Variants in PDE4D observed in about 807,000 individuals in gnomAD.
PDE4D encodes the protein phosphodiesterase 4D.
A neutral mutation model predicts 87.4 loss-of-function variants in PDE4D; 24 were observed. The observed-to-expected ratio is 0.27, with a 90% CI of 0.20 to 0.39. The LOEUF is 0.39. PDE4D is among the 10% of genes least tolerant of loss of function. PDE4D has a pLI of 1.00. For synonymous variants in PDE4D, 384 were observed against 383.2 expected (o/e 1.00, Z -0.02); for missense variants, 714 against 1,041.0 (o/e 0.69, Z 4.32).
At position 60,039,230 on chromosome 5, in the gene PDE4D, A is replaced by G. The variant is rs371343486; in HGVS notation, c.43-50513T>C. On this transcript the variant is annotated intron_variant, in intron 2 of 16. Coordinates refer to the PDE4D transcript ENST00000502484. Reference sequence around the variant, plus strand: ...AGACTGGATTAAGAAAATGTGGCACATATACACCATGCAATACTATGCAGC... The same window carrying G: ...AGACTGGATTAAGAAAATGTGGCACGTATACACCATGCAATACTATGCAGC... Among the ~76,000 whole-genome samples the G allele has an allele frequency of 9.6e-4, 146 of 152,336 alleles. 2 individuals carry two copies. The East Asian group carries it at 0.024, about 25-fold the overall frequency.
intron 9 of PDE4D, among the ~76,000 whole-genome samples, chr5:58,990,293 T>A (rs1361249158): frequency 6.6e-6 from 1 of 152,140 alleles, no homozygotes; most frequent in East Asian, 1.9e-4. Context: ...GGCTGAAGTT[T>A]CCCATTTCGG....
In PDE4D at chr5:58,975,401, G is replaced by A. The variant is rs1026327739; in HGVS notation, c.2013+256C>T. Among the ~76,000 whole-genome samples the A allele has an allele frequency of 6.6e-6, 1 of 152,018 alleles. No individual in the cohort carries two copies. Among genetic ancestry groups the A allele is most frequent in the Non-Finnish European group, 1.5e-5 (1 of 68,014 alleles). ...CCAGATAACTGAAATAATGCCATGT[G>A]CTCTATGTATATGAATATATTAAAT... On this transcript the variant is annotated intron_variant, in intron 14 of 14. Transcript: ENST00000340635. The surrounding 1 kb of genome is among the most constrained non-coding windows in gnomAD (Gnocchi z 4.2).
At chr5:59,915,078 T>C (rs1753895421) in intron 3 of PDE4D, among the ~76,000 whole-genome samples, 1 of 152,150 alleles carries the variant, frequency 6.6e-6, no homozygotes, top group African/African-American at 2.4e-5. Flanking sequence ...AGAGAATCTA[T>C]TAAAGCTTCA....
chr5:59,635,985 C>A (rs908431123), intron 1 of PDE4D, among the ~76,000 whole-genome samples: 1 of 152,046 alleles, frequency 6.6e-6, no homozygotes, highest in Non-Finnish European at 1.5e-5. Flanking sequence ...TTTAGAAAAC[C>A]CCATCGTCTC....
At chr5:60,065,732 G>A (rs984606562) in intron 2 of PDE4D, among the ~76,000 whole-genome samples, 10 of 151,580 alleles carry the variant, frequency 6.6e-5, no homozygotes, top group East Asian at 1.9e-4. Context: ...TGATGGTTTC[G>A]TTTCATCCAT....
chr5:59,120,892 T>G (rs761261865), intron 5 of PDE4D, among the ~76,000 whole-genome samples: 1 of 152,118 alleles, frequency 6.6e-6, no homozygotes, highest in East Asian at 1.9e-4. Flanking sequence ...GACTGATAGA[T>G]TTAGAGTAGA....
At chr5:59,764,741 C>T (rs576306550) in intron 1 of PDE4D, among the ~76,000 whole-genome samples, 4 of 149,992 alleles carry the variant, frequency 2.7e-5, no homozygotes, top group African/African-American at 4.9e-5. Flanking sequence ...CTGCAACCTC[C>T]GCCTCCTGAG....
At chr5:59,939,068 C>T (rs945262566) in intron 3 of PDE4D, among the ~76,000 whole-genome samples, 2 of 152,136 alleles carry the variant, frequency 1.3e-5, no homozygotes, top group Non-Finnish European at 1.5e-5. Context: ...TTCTGCTGGA[C>T]TTTGAAAATA....
In PDE4D at chr5:59,516,496, T is replaced by C. The variant is rs1811177121; in HGVS notation, c.456-300528A>G. Among the ~76,000 whole-genome samples, 2 of 152,194 alleles carry C rather than the reference T, an allele frequency of 1.3e-5. 1 individual carries two copies. Among genetic ancestry groups the C allele is most frequent in the South Asian group, 4.1e-4 (2 of 4,830 alleles). On this transcript the variant is annotated intron_variant, in intron 1 of 14. Coordinates refer to ENST00000340635, the MANE Select transcript of PDE4D (RefSeq NM_001104631.2). The stretch of plus-strand genomic sequence containing the variant: ...CTACAGCTTTCTGTTTTCCTCCCTA[T>C]TGCTCTAGAAGAAAACGCTGCCAAG...
intron 2 of PDE4D, among the ~76,000 whole-genome samples, chr5:60,113,419 A>T (rs2149361812): frequency 6.6e-6 from 1 of 152,244 alleles, no homozygotes; most frequent in Non-Finnish European, 1.5e-5. Context: ...CCTTTTCCTT[A>T]ACCCTTACAT....
At chr5:60,272,221 A>C (rs1459977270) in intron 1 of PDE4D, among the ~76,000 whole-genome samples, 4 of 152,240 alleles carry the variant, frequency 2.6e-5, no homozygotes, top group Admixed American at 1.3e-4. Flanking sequence ...CATACAACAC[A>C]AATCAGGAGA....
At chr5:59,229,839 T>C (rs188485832) in intron 1 of PDE4D, among the ~76,000 whole-genome samples, 48 of 152,300 alleles carry the variant, frequency 3.2e-4, no homozygotes, top group African/African-American at 1.1e-3. Context: ...GCTCTTGTTG[T>C]GCAGGCTGGA....
chr5:59,451,138 A>G (rs1356736402), intron 1 of PDE4D, among the ~76,000 whole-genome samples: 1 of 152,170 alleles, frequency 6.6e-6, no homozygotes, highest in Non-Finnish European at 1.5e-5. Flanking sequence ...CTTGTGTTTC[A>G]CTAAACCAAT....
intron 1 of PDE4D, among the ~76,000 whole-genome samples, chr5:60,231,517 C>T (rs989556154): frequency 1.3e-5 from 2 of 151,784 alleles, no homozygotes; most frequent in African/African-American, 4.8e-5. Flanking sequence ...CCAGATCTAA[C>T]CCTAGAATTT....
At chr5:60,026,812 C>A (rs776421200) in intron 2 of PDE4D, among the ~76,000 whole-genome samples, 6 of 152,180 alleles carry the variant, frequency 3.9e-5, no homozygotes, top group Non-Finnish European at 8.8e-5. Context: ...ATAAAATCTA[C>A]TTCTCAGCAT....
At chr5:59,276,674 C>CTCTTGCA (rs1261989501) in intron 1 of PDE4D, among the ~76,000 whole-genome samples, 1 of 151,958 alleles carries the variant, frequency 6.6e-6, no homozygotes, top group Non-Finnish European at 1.5e-5. Flanking sequence ...TAAGGCTGTT[C>CTCTTGCA]CCTTGCACAA....
rs140296384 is a variant in PDE4D, at chr5:59,963,510, A to T, written c.272+24978T>A. Reference sequence around the variant, plus strand: ...TACTAGAACACAGTGGCATCAAGACACACCAAAATCAGGAAAACAGCAGAA... The same window carrying T: ...TACTAGAACACAGTGGCATCAAGACTCACCAAAATCAGGAAAACAGCAGAA... On this transcript the variant is annotated intron_variant, in intron 3 of 16. Coordinates refer to the PDE4D transcript ENST00000502484. 5.9e-3 allele frequency among the ~76,000 whole-genome samples: 893 copies of T among 152,166 alleles called. 9 individuals are homozygous for T. Among genetic ancestry groups the T allele is most frequent in the African/African-American group, 0.02 (841 of 41,512 alleles).
At chr5:59,220,020 A>G (rs573400353) in intron 1 of PDE4D, among the ~76,000 whole-genome samples, 1 of 152,284 alleles carries the variant, frequency 6.6e-6, no homozygotes, top group African/African-American at 2.4e-5. Flanking sequence ...AAAAATGGCA[A>G]TTTTGTACAG....
chr5:60,090,498 T>C (rs1775011828), intron 2 of PDE4D, among the ~76,000 whole-genome samples: 2 of 152,084 alleles, frequency 1.3e-5, no homozygotes, highest in African/African-American at 4.8e-5. Flanking sequence ...ATAATAACTG[T>C]CAACAAACTG....
Sources: gnomAD v4.1 joint callset for allele counts (sites outside exome capture counted in the v4.1 genomes callset) on GRCh38, gnomAD v4.1.1 for gene constraint, Gnocchi (gnomAD v3.1) non-coding constraint, MANE v1.5 for transcripts, NCBI Gene and HGNC (gene_info 2026-07-23, HGNC 2026-07-21) for gene names.